HIVEP3: variants seen among roughly 807,000 people sequenced by gnomAD.
HIVEP3 encodes HIVEP zinc finger 3.
A neutral mutation model predicts 152.8 loss-of-function variants in HIVEP3; 49 were observed. The observed-to-expected ratio is 0.32, with a 90% confidence interval of 0.26 to 0.41. The LOEUF is 0.41. HIVEP3 is among the 10% of genes least tolerant of loss of function. HIVEP3 has a pLI of 1.00. For synonymous variants in HIVEP3, 1,269 were observed against 1,289.0 expected, an observed-to-expected ratio of 0.98 and a Z score of 0.33; for missense variants, 2,790 against 3,103.3, an observed-to-expected ratio of 0.90 and a Z score of 2.40.
chr1:41,992,844 G>A (rs348131), intron 1 of HIVEP3, among the ~76,000 whole-genome samples: 3,570 of 130,266 alleles, frequency 0.027, 136 homozygotes, highest in African/African-American at 0.11. Context: ...AAATAACGCC[G>A]CATATCTACA....
At chr1:41,783,047 G>A (rs1649144380) in intron 1 of HIVEP3, among the ~76,000 whole-genome samples, 2 of 152,188 alleles carry the variant, frequency 1.3e-5, no homozygotes, top group South Asian at 4.1e-4. Context: ...GGGCTCCTGG[G>A]TTCCTCCCAA....
At chr1:41,686,081 GTTTTT>G (rs67812771) in intron 2 of HIVEP3, among the ~76,000 whole-genome samples, 9,084 of 151,466 alleles carry the variant, frequency 0.06, 550 homozygotes, top group African/African-American at 0.16. Context: ...GTTTTGTTTT[GTTTTT>G]TTTGAGATGG....
chr1:41,636,486 T>C (rs1358511180), intron 2 of HIVEP3, among the ~76,000 whole-genome samples: 2 of 152,062 alleles, frequency 1.3e-5, no homozygotes, highest in Non-Finnish European at 2.9e-5. Context: ...TATTAAGCAT[T>C]ACATAAAACA....
chr1:41,957,705 C>T (rs1645147288), intron 1 of HIVEP3, among the ~76,000 whole-genome samples: 1 of 152,176 alleles, frequency 6.6e-6, no homozygotes, highest in Non-Finnish European at 1.5e-5. Context: ...CTATTCTTAG[C>T]TAAAGGATAA....
intron 3 of HIVEP3, among the ~76,000 whole-genome samples, chr1:41,618,405 C>T (rs921603297): frequency 1.3e-5 from 2 of 152,192 alleles, no homozygotes; most frequent in African/African-American, 4.8e-5. Context: ...AAAATGTGCT[C>T]GGGCCCTGAA....
intron 1 of HIVEP3, among the ~76,000 whole-genome samples, chr1:41,937,468 C>T (rs573322666): frequency 1.3e-5 from 2 of 152,250 alleles, no homozygotes; most frequent in South Asian, 4.1e-4. Context: ...TTGACCTGCA[C>T]TATCCAAAAT....
rs80259932 is a variant in HIVEP3 at position 41,817,842 on chromosome 1, C to T, written c.-801+100571G>A. ...TACTCCCTCTCTTTCCAAATACCCA[C>T]AGGCTGCCTTGACTGAGTGCAGAAC... is the stretch of plus-strand genomic sequence containing the variant. On this transcript the variant is annotated intron_variant, in intron 1 of 8. Coordinates refer to ENST00000372583, the MANE Select transcript of HIVEP3 (RefSeq NM_024503.5). 4.3e-3 allele frequency among the ~76,000 whole-genome samples: 651 copies of T among 152,326 alleles called. 3 individuals carry two copies. The highest frequency in any genetic ancestry group is 0.015 in the African/African-American group (619 of 41,580).
At chr1:41,951,391 T>C (rs553246684) in intron 1 of HIVEP3, among the ~76,000 whole-genome samples, 2 of 152,118 alleles carry the variant, frequency 1.3e-5, no homozygotes, top group Non-Finnish European at 2.9e-5. Flanking sequence ...CTAAATAGTG[T>C]TTATGTTTGA....
At chr1:41,940,124 A>G (rs571549770) in intron 1 of HIVEP3, among the ~76,000 whole-genome samples, 2 of 152,358 alleles carry the variant, frequency 1.3e-5, no homozygotes, top group East Asian at 3.9e-4. Context: ...AACAGCATTT[A>G]TCTCAGAAGT....
At chr1:41,791,121 TACACACACACACACACACACACACACAC>T (rs60729364) in intron 1 of HIVEP3, among the ~76,000 whole-genome samples, 45 of 140,732 alleles carry the variant, frequency 3.2e-4, no homozygotes, top group African/African-American at 9.5e-4. Flanking sequence ...CACACATGTG[TACACACACACACACACACACACACACAC>T]ACACACACAC....
chr1:41,889,818 C>T (rs1169473736), intron 1 of HIVEP3, among the ~76,000 whole-genome samples: 2 of 152,200 alleles, frequency 1.3e-5, no homozygotes, highest in African/African-American at 4.8e-5. Context: ...ATAGGGTTTG[C>T]AGTCTCCTTT....
At chr1:41,720,088 G>A (rs556124487) in intron 1 of HIVEP3, among the ~76,000 whole-genome samples, 11 of 152,176 alleles carry the variant, frequency 7.2e-5, no homozygotes, top group Non-Finnish European at 1.6e-4. Flanking sequence ...CAGCTGAGTG[G>A]CCCTACCAAG....
chr1:41,629,573 A>C (rs542609317), intron 2 of HIVEP3, among the ~76,000 whole-genome samples: 10 of 152,344 alleles, frequency 6.6e-5, no homozygotes, highest in African/African-American at 2.4e-4. Context: ...TAAACAATTC[A>C]ACAAGCAAAA....
intron 1 of HIVEP3, among the ~76,000 whole-genome samples, chr1:41,819,455 T>G (rs576601172): frequency 1.3e-5 from 2 of 152,308 alleles, no homozygotes; most frequent in African/African-American, 4.8e-5. Context: ...TTGAATTTAC[T>G]CTTTTGTTCT....
chr1:41,524,892 C>T lies in HIVEP3; in HGVS notation c.5226G>A (p.Glu1742=). ...GGCCGCGGCCTCGCACATATACATA[C>T]TCTTCGTTTGATTTGTACCTATGAG... is the stretch of plus-strand genomic sequence containing the variant. ...IFEGGYKSNE[E]YVYVRGRGRG... Residue 1742 remains glutamate (E), a synonymous_variant, in exon 6 of 9, where the codon GAG becomes GAA. Coordinates refer to ENST00000372583, the MANE Select transcript of HIVEP3 (RefSeq NM_024503.5). 1 of 1,613,922 alleles carries T rather than the reference C, an allele frequency of 6.2e-7. No individual in the cohort carries two copies. The highest frequency in any genetic ancestry group is 8.5e-7 in the Non-Finnish European group (1 of 1,179,894).
intron 1 of HIVEP3, among the ~76,000 whole-genome samples, chr1:41,947,207 C>T (rs1208390537): frequency 6.6e-6 from 1 of 152,190 alleles, no homozygotes; most frequent in Non-Finnish European, 1.5e-5. Context: ...CATACCTGGA[C>T]ACTCTTGTCC....
intron 1 of HIVEP3, among the ~76,000 whole-genome samples, chr1:42,018,446 T>A (rs1001940486): frequency 4.6e-5 from 7 of 151,866 alleles, no homozygotes; most frequent in Non-Finnish European, 8.8e-5. Context: ...GTATGGATAC[T>A]AAATTGAGTC....
At chr1:41,936,565 A>G (rs1035310389) in intron 1 of HIVEP3, among the ~76,000 whole-genome samples, 1 of 152,230 alleles carries the variant, frequency 6.6e-6, no homozygotes, top group African/African-American at 2.4e-5. Context: ...TAATATTTCC[A>G]TCAAAAGTAG....
At chr1:41,751,324 A>AGTTTTT (rs1647159240) in intron 1 of HIVEP3, among the ~76,000 whole-genome samples, 1 of 104,560 alleles carries the variant, frequency 9.6e-6, no homozygotes, top group Admixed American at 1.2e-4. Context: ...ACTGACACAC[A>AGTTTTT]TTTTTTTTTT....
Sources: gnomAD v4.1 joint callset for allele counts (sites outside exome capture counted in the v4.1 genomes callset) on GRCh38, gnomAD v4.1.1 for gene constraint, MANE v1.5 for transcripts, NCBI Gene and HGNC (gene_info 2026-07-23, HGNC 2026-07-21) for gene names.